Variants in CCND3 observed in about 807,000 individuals in gnomAD.
CCND3 encodes the protein cyclin D3, also known as G1/S-specific cyclin-D3.
CCND3 carries 9 observed loss-of-function variants against 28.7 expected under a neutral mutation model. The ratio of observed to expected loss-of-function variants is 0.31; its 90% CI spans 0.19 to 0.55. The LOEUF (loss-of-function observed/expected upper bound fraction) is 0.55. Among genes scored for constraint, CCND3 ranks in the 20% least tolerant of loss-of-function variants. The pLI is 0.93. For missense variants in CCND3, 315 were observed against 385.8 expected (o/e 0.82, Z 1.54); for synonymous variants, 164 against 163.9 (o/e 1.00, Z 0.00).
Position 41,941,421 on chromosome 6 carries a change from G to A in CCND3, c.198+31C>T. 3 of 1,603,228 alleles carry A rather than the reference G, an allele frequency of 1.9e-6. No homozygotes were observed. The highest frequency in any genetic ancestry group is 2.3e-5 in the East Asian group (1 of 43,918). On this transcript the variant is annotated intron_variant, in intron 1 of 4. Coordinates refer to ENST00000372991, the MANE Select transcript of CCND3 (RefSeq NM_001760.5). The surrounding 1 kb of genome is among the most constrained non-coding windows in gnomAD (Gnocchi z 6.1). ...CCCCGGTGTGTCCAGACCCGGGAGCGGTGGGGGAGGGGGACGCGTCCGGGC... is the reference window on the plus strand; with the variant it reads ...CCCCGGTGTGTCCAGACCCGGGAGCAGTGGGGGAGGGGGACGCGTCCGGGC...
intron 1 of CCND3, among the ~76,000 whole-genome samples, chr6:42,007,370 T>G (rs1763206843): frequency 6.6e-6 from 1 of 152,198 alleles, no homozygotes; most frequent in African/African-American, 2.4e-5. Context: ...GGGTGGCTAG[T>G]AAGGCCAAGT....
intron 1 of CCND3, among the ~76,000 whole-genome samples, chr6:41,978,980 T>C (rs1324425657): frequency 6.6e-6 from 1 of 151,152 alleles, no homozygotes; most frequent in Non-Finnish European, 1.5e-5. Flanking sequence ...AAGACCAATT[T>C]GACCAACATG....
chr6:42,003,938 CAA>C (rs34911832), intron 1 of CCND3, among the ~76,000 whole-genome samples: 142 of 85,332 alleles, frequency 1.7e-3, no homozygotes, highest in African/African-American at 2.6e-3. Context: ...GACCCTATCT[CAA>C]AAAAAAAAAA....
chr6:42,022,107 A>G (rs889248569), intron 1 of CCND3, among the ~76,000 whole-genome samples: 2 of 152,202 alleles, frequency 1.3e-5, no homozygotes, highest in Non-Finnish European at 2.9e-5. Context: ...ATGAGACAGT[A>G]TGATCTCAAT....
chr6:42,015,770 T>C (rs995370761), intron 1 of CCND3, among the ~76,000 whole-genome samples: 2 of 152,040 alleles, frequency 1.3e-5, no homozygotes, highest in Admixed American at 1.3e-4. Flanking sequence ...TACATATTTA[T>C]TGTGTACAAT....
rs1775758605 is a variant in CCND3 at position 41,935,723 on chromosome 6, GGGA to G, written c.*214_*216del. The stretch of plus-strand genomic sequence containing the variant: ...GGAAAGGCGCTGCTGGTCAGATGCA[GGGA>G]GGAGGAGCTTGACTAGCCACCGAAA... On this transcript the variant is annotated 3_prime_UTR_variant, in exon 5 of 5. Transcript: ENST00000372991. 3.5e-6 allele frequency: 2 copies of G among 567,566 alleles called. No homozygotes were observed. The highest frequency in any genetic ancestry group is 2.3e-5 in the South Asian group (1 of 43,992). 35.2% of individuals were successfully genotyped at this position (567,566 alleles called of 1,614,324 possible).
At chr6:41,964,193 C>T (rs1169892751) in intron 1 of CCND3, among the ~76,000 whole-genome samples, 1 of 152,182 alleles carries the variant, frequency 6.6e-6, no homozygotes, top group Non-Finnish European at 1.5e-5. Flanking sequence ...CCCAGAGATG[C>T]CCAAGAGGTA....
chr6:42,043,349 A>G (rs927594524), intron 1 of CCND3, among the ~76,000 whole-genome samples: 3 of 152,224 alleles, frequency 2.0e-5, no homozygotes, highest in Non-Finnish European at 1.5e-5. Flanking sequence ...CATCCTGGCC[A>G]ACATGGTGAA....
At chr6:41,979,751 A>G (rs1294568072) in intron 1 of CCND3, among the ~76,000 whole-genome samples, 1 of 151,510 alleles carries the variant, frequency 6.6e-6, no homozygotes, top group Non-Finnish European at 1.5e-5. Flanking sequence ...CTTAACAGTG[A>G]TCACTCCTGT....
intron 1 of CCND3, among the ~76,000 whole-genome samples, chr6:41,972,895 T>A (rs6915765): frequency 0.53 from 79,600 of 149,288 alleles, 21,725 homozygotes; most frequent in Non-Finnish European, 0.61. Context: ...AAATTAAAAA[T>A]ATATATATAT....
At chr6:42,014,322 G>C (rs988642310) in intron 1 of CCND3, among the ~76,000 whole-genome samples, 1 of 150,508 alleles carries the variant, frequency 6.6e-6, no homozygotes, top group African/African-American at 2.4e-5. Flanking sequence ...GAGCCGAGAT[G>C]GCGCCACTGC....
chr6:41,995,538 G>A (rs1582142623), intron 1 of CCND3, among the ~76,000 whole-genome samples: 2 of 152,108 alleles, frequency 1.3e-5, no homozygotes, highest in African/African-American at 2.4e-5. Flanking sequence ...TTACAGGCGT[G>A]AGCCACTGCA....
At chr6:41,993,987 T>C (rs1762728404) in intron 1 of CCND3, among the ~76,000 whole-genome samples, 1 of 143,804 alleles carries the variant, frequency 7.0e-6, no homozygotes, top group Non-Finnish European at 1.5e-5. Flanking sequence ...TGAAAAGACA[T>C]AGAGAAAACT....
At position 41,935,772 on chromosome 6, in the gene CCND3, C is replaced by A. The variant is rs1775761809; in HGVS notation, c.*168G>T. 2 of 618,546 alleles carry A rather than the reference C, an allele frequency of 3.2e-6. No homozygotes were observed. The highest frequency in any genetic ancestry group is 5.6e-6 in the Non-Finnish European group (2 of 355,848). The allele number at this position is 618,546 out of a possible 1,614,324, so 38.3% of individuals were successfully genotyped here. A position where few individuals can be genotyped will look rare whatever the true frequency, so the allele number is the denominator to read the frequency against. The stretch of plus-strand genomic sequence containing the variant: ...CGAAATGCAGACATGGCTGGCCGGG[C>A]CCCTTAGTGCACACTGCGGGGATGG... On this transcript the variant is annotated 3_prime_UTR_variant, in exon 5 of 5. Transcript: ENST00000372991.
At chr6:42,034,798 T>A (rs972576547) in intron 1 of CCND3, among the ~76,000 whole-genome samples, 13 of 151,990 alleles carry the variant, frequency 8.6e-5, no homozygotes, top group African/African-American at 3.1e-4. Context: ...CTTAAACAAA[T>A]TTTTTTTCTA....
intron 1 of CCND3, among the ~76,000 whole-genome samples, chr6:42,036,396 TATATA>T (rs1764214501): frequency 4.2e-5 from 2 of 47,210 alleles, no homozygotes; most frequent in African/African-American, 8.8e-5. Flanking sequence ...TATATATATA[TATATA>T]TATTTTTTTT....
intron 1 of CCND3, among the ~76,000 whole-genome samples, chr6:42,035,678 TTTTC>T (rs1206216087): frequency 2.3e-4 from 28 of 122,930 alleles, no homozygotes; most frequent in Non-Finnish European, 4.6e-4. Context: ...GTTTCTTTTC[TTTTC>T]TTTTTTTTTT....
chr6:41,984,033 G>A (rs1193620404), intron 1 of CCND3, among the ~76,000 whole-genome samples: 1 of 152,040 alleles, frequency 6.6e-6, no homozygotes, highest in Non-Finnish European at 1.5e-5. Context: ...TCACATATAA[G>A]TGAATTATGA....
At chr6:41,977,077 T>C (rs551404430) in intron 1 of CCND3, among the ~76,000 whole-genome samples, 3 of 152,148 alleles carry the variant, frequency 2.0e-5, no homozygotes, top group African/African-American at 7.2e-5. Context: ...CTCATTGGCA[T>C]AAGGAATCCA....
Sources: gnomAD v4.1 joint callset for allele counts (sites outside exome capture counted in the v4.1 genomes callset) on GRCh38, gnomAD v4.1.1 for gene constraint, Gnocchi (gnomAD v3.1) non-coding constraint, MANE v1.5 for transcripts, NCBI Gene and HGNC (gene_info 2026-07-23, HGNC 2026-07-21) for gene names.